The following FOXN3 variants were observed in gnomAD, a reference collection of about 807,000 sequenced individuals.
The protein encoded by FOXN3 is forkhead box protein N3.
In FOXN3, 7 loss-of-function variants were observed where a neutral mutation model predicts 38.4. The ratio of observed to expected loss-of-function variants is 0.18; its 90% CI spans 0.10 to 0.34. The LOEUF (loss-of-function observed/expected upper bound fraction) is 0.34, where lower values mean the gene tolerates loss of function less well. Ranked by LOEUF, FOXN3 falls within the 10% of genes least tolerant of loss-of-function variation. The pLI is 1.00. For missense variants in FOXN3, 456 were observed against 613.4 expected (o/e 0.74, Z 2.71); for synonymous variants, 230 against 242.2 (o/e 0.95, Z 0.47).
At chr14:89,562,153 T>C (rs1895262414) in intron 1 of FOXN3, among the ~76,000 whole-genome samples, 1 of 152,232 alleles carries the variant, frequency 6.6e-6, no homozygotes, top group South Asian at 2.1e-4. Flanking sequence ...TTTGGGTACG[T>C]GTGTACACAG....
At chr14:89,522,809 C>A (rs537609727) in intron 1 of FOXN3, among the ~76,000 whole-genome samples, 105 of 149,920 alleles carry the variant, frequency 7.0e-4, no homozygotes, top group Non-Finnish European at 1.1e-3. Context: ...AAAAAAAAAG[C>A]AATTGAGCCA....
intron 4 of FOXN3, among the ~76,000 whole-genome samples, chr14:89,231,210 AAT>A (rs1477262831): frequency 1.3e-5 from 2 of 151,882 alleles, no homozygotes; most frequent in Non-Finnish European, 2.9e-5. Flanking sequence ...TTTTCTTTCT[AAT>A]GAAAAAAAAA....
intron 1 of FOXN3, among the ~76,000 whole-genome samples, chr14:89,575,873 C>T (rs530370020): frequency 3.3e-5 from 5 of 152,366 alleles, no homozygotes; most frequent in East Asian, 1.9e-4. Flanking sequence ...CCGGCCTCCA[C>T]GCAGCGCCTG....
At chr14:89,299,798 A>G (rs1290167427) in intron 3 of FOXN3, among the ~76,000 whole-genome samples, 1 of 152,250 alleles carries the variant, frequency 6.6e-6, no homozygotes, top group Non-Finnish European at 1.5e-5. Flanking sequence ...AAATGGCACC[A>G]GTGCAACAGG....
intron 1 of FOXN3, among the ~76,000 whole-genome samples, chr14:89,587,500 T>C (rs1895864018): frequency 6.6e-6 from 1 of 152,064 alleles, no homozygotes; most frequent in South Asian, 2.1e-4. Flanking sequence ...GTATGCCTCA[T>C]GTAAAGGCAA....
At position 89,411,928 on chromosome 14, in the gene FOXN3, G is replaced by A; in HGVS notation, c.543+6C>T. 6.9e-7 allele frequency: 1 copy of A among 1,444,894 alleles called. No individual in the cohort carries two copies. Among genetic ancestry groups the A allele is most frequent in the South Asian group, 1.7e-5 (1 of 59,430 alleles). 89.5% of individuals were successfully genotyped at this position (1,444,894 alleles called of 1,614,324 possible). ...AAAACCTTGGGTTCCAGACACAGAG[G>A]CTTACCTGACTCCTCTCTTTGTCCA... On this transcript the variant is annotated splice_donor_region_variant and intron_variant, in intron 2 of 5. Transcript: ENST00000557258.
intron 4 of FOXN3, among the ~76,000 whole-genome samples, chr14:89,246,844 C>A (rs939830441): frequency 6.6e-6 from 1 of 152,056 alleles, no homozygotes; most frequent in Non-Finnish European, 1.5e-5. Context: ...CAGCCGGATG[C>A]GGCTTTATGG....
At chr14:89,415,806 G>C (rs1032170538) in intron 1 of FOXN3, among the ~76,000 whole-genome samples, 1 of 130,530 alleles carries the variant, frequency 7.7e-6, no homozygotes, top group African/African-American at 2.8e-5. Context: ...CACCAGATAC[G>C]CAAATAGTTA....
At chr14:89,415,068 C>G (rs891984807) in intron 1 of FOXN3, among the ~76,000 whole-genome samples, 1 of 152,106 alleles carries the variant, frequency 6.6e-6, no homozygotes, top group South Asian at 2.1e-4. Flanking sequence ...TCTTTATGAA[C>G]GAATTATAGC....
intron 3 of FOXN3, among the ~76,000 whole-genome samples, chr14:89,339,327 A>G (rs1402177487): frequency 6.6e-6 from 1 of 152,158 alleles, no homozygotes; most frequent in African/African-American, 2.4e-5. Flanking sequence ...CTCAGGGACC[A>G]GAGGCTTCAG....
At chr14:89,524,254 G>C (rs1894381339) in intron 1 of FOXN3, among the ~76,000 whole-genome samples, 1 of 146,792 alleles carries the variant, frequency 6.8e-6, no homozygotes, top group Non-Finnish European at 1.5e-5. Flanking sequence ...GGCGCCTGTA[G>C]TCCCAGCTAC....
At chr14:89,372,213 A>G (rs1890338817) in intron 2 of FOXN3, among the ~76,000 whole-genome samples, 1 of 152,216 alleles carries the variant, frequency 6.6e-6, no homozygotes, top group South Asian at 2.1e-4. Context: ...AAAAAAAAAT[A>G]TGCCACCGAA....
Position 89,163,389 on chromosome 14 carries a change from G to A in FOXN3, c.852-420C>T, listed in dbSNP as rs1420904899. Among the ~76,000 whole-genome samples, 5 of 152,196 alleles carry A rather than the reference G, an allele frequency of 3.3e-5. No homozygotes were observed. The highest frequency in any genetic ancestry group is 9.7e-5 in the African/African-American group (4 of 41,442). Reference sequence around the variant, plus strand: ...AAAAAAGCCTGCTCTCGTCTGAAGCGGCTACATTAGGAGGCTTTTGTCAGA... The same window carrying A: ...AAAAAAGCCTGCTCTCGTCTGAAGCAGCTACATTAGGAGGCTTTTGTCAGA... On this transcript the variant is annotated intron_variant, in intron 5 of 5. Coordinates refer to ENST00000557258, the MANE Select transcript of FOXN3 (RefSeq NM_005197.4). This position sits in a 1 kb window ranked among gnomAD's most constrained non-coding sequence, Gnocchi z 4.3.
chr14:89,184,740 T>A (rs1307977245), intron 4 of FOXN3, among the ~76,000 whole-genome samples: 3 of 152,180 alleles, frequency 2.0e-5, no homozygotes, highest in African/African-American at 7.2e-5. Flanking sequence ...GGGGATGAAA[T>A]AAGATAAGCT....
upstream of FOXN3, among the ~76,000 whole-genome samples, chr14:89,420,294 C>T (rs1891869489): frequency 6.6e-6 from 1 of 152,194 alleles, no homozygotes; most frequent in Admixed American, 6.5e-5. Flanking sequence ...CTCCCCTACG[C>T]GCATGGCCCC....
At chr14:89,498,479 C>A (rs1246195032) in intron 1 of FOXN3, among the ~76,000 whole-genome samples, 1 of 152,112 alleles carries the variant, frequency 6.6e-6, no homozygotes, top group African/African-American at 2.4e-5. Context: ...CCTCTGCCTC[C>A]AAAAGTGCTG....
At chr14:89,426,531 T>C (rs1280349644) in intron 1 of FOXN3, among the ~76,000 whole-genome samples, 1 of 152,090 alleles carries the variant, frequency 6.6e-6, no homozygotes, top group East Asian at 1.9e-4. Context: ...GCAGGAGTAC[T>C]GATTTTGAGA....
intron 2 of FOXN3, among the ~76,000 whole-genome samples, chr14:89,407,174 A>C (rs1333923131): frequency 1.3e-5 from 2 of 152,158 alleles, no homozygotes; most frequent in African/African-American, 4.8e-5. Context: ...AGGAAATAGA[A>C]GGAGAGAGAG....
At chr14:89,564,653 T>C (rs1895314401) in intron 1 of FOXN3, among the ~76,000 whole-genome samples, 1 of 152,224 alleles carries the variant, frequency 6.6e-6, no homozygotes. Flanking sequence ...CACTGAATTG[T>C]ATTCCCCTAA....
Sources: gnomAD v4.1 joint callset for allele counts (sites outside exome capture counted in the v4.1 genomes callset) on GRCh38, gnomAD v4.1.1 for gene constraint, Gnocchi (gnomAD v3.1) non-coding constraint, MANE v1.5 for transcripts, NCBI Gene and HGNC (gene_info 2026-07-23, HGNC 2026-07-21) for gene names.